The following PTPRA variants were observed in gnomAD, a reference collection of about 807,000 sequenced individuals.
The protein encoded by PTPRA is protein tyrosine phosphatase receptor type A, also known as receptor-type tyrosine-protein phosphatase alpha.
Under a neutral mutation model 104.8 loss-of-function variants are expected in PTPRA, and 25 were observed. That is an observed-to-expected ratio of 0.24 (90% CI 0.17 to 0.33). PTPRA has a LOEUF of 0.33. Among genes scored for constraint, PTPRA ranks in the 10% least tolerant of loss-of-function variants. The pLI, the probability that PTPRA is intolerant of heterozygous loss-of-function variation, is 1.00. For missense variants in PTPRA, 765 were observed against 1,015.3 expected (o/e 0.75, Z 3.35); for synonymous variants, 323 against 368.9 (o/e 0.88, Z 1.43).
At chr20:2,953,613 G>T (rs756338981) in intron 3 of PTPRA, among the ~76,000 whole-genome samples, 1,493 of 139,944 alleles carry the variant, frequency 0.011, 11 homozygotes, top group Non-Finnish European at 0.017. Context: ...TTGGTGTTTT[G>T]TTTTTTTTTT....
chr20:2,981,550 G>A (rs2062674314), intron 6 of PTPRA, among the ~76,000 whole-genome samples: 1 of 152,148 alleles, frequency 6.6e-6, no homozygotes, highest in South Asian at 2.1e-4. Flanking sequence ...AGCCCAAAAT[G>A]TCATTAGTGT....
At chr20:3,023,590 G>C (rs145335911) in intron 16 of PTPRA, among the ~76,000 whole-genome samples, 70 of 152,312 alleles carry the variant, frequency 4.6e-4, no homozygotes, top group African/African-American at 1.4e-3. Context: ...TCAAGGCACA[G>C]CACCTTTCCT....
intron 5 of PTPRA, among the ~76,000 whole-genome samples, chr20:2,969,199 C>T (rs1429604681): frequency 4.0e-5 from 6 of 149,938 alleles, no homozygotes; most frequent in Admixed American, 4.0e-4. Flanking sequence ...GAGTGAGACC[C>T]GAGACTCTAT....
intron 12 of PTPRA, among the ~76,000 whole-genome samples, chr20:3,017,488 T>G (rs565064723): frequency 1.3e-5 from 2 of 152,324 alleles, no homozygotes; most frequent in South Asian, 4.1e-4. Context: ...AGCACTTAGC[T>G]CACTGTCAGG....
At chr20:2,888,464 TGGGA>T (rs2090496110) in intron 1 of PTPRA, among the ~76,000 whole-genome samples, 2 of 151,448 alleles carry the variant, frequency 1.3e-5, no homozygotes, top group South Asian at 4.2e-4. Context: ...GAGGCTGAGG[TGGGA>T]GGATTGCTTA....
rs1209029093 is a variant in PTPRA, at chr20:2,910,050, TATC to T, written c.-128-13154_-128-13152del. On this transcript the variant is annotated intron_variant, in intron 1 of 23. Transcript: ENST00000399903. ...CATATATCATATCATATATAATATA[TATC>T]ATATCATATATAATATATATGATGT... is the stretch of plus-strand genomic sequence containing the variant. Among the ~76,000 whole-genome samples, 59 of 123,600 alleles carry T rather than the reference TATC, an allele frequency of 4.8e-4. No individual in the cohort carries two copies. The East Asian group carries it at 5.8e-3, about 12-fold the overall frequency. The allele number at this position is 123,600 out of a possible 152,430, so 81.1% of individuals were successfully genotyped here. A position where few individuals can be genotyped will look rare whatever the true frequency, so the allele number is the denominator to read the frequency against.
At position 3,022,195 on chromosome 20, in the gene PTPRA, G is replaced by A; in HGVS notation, c.1303G>A (p.Ala435Thr). The change falls in exon 15 of 24, where the codon GCA (alanine) becomes ACA (threonine). Residue 435 changes from alanine (A) to threonine (T), a missense_variant. Ala to Thr is a moderately conservative substitution (Grantham distance 58). Transcript: ENST00000399903. This position sits in a 1 kb window ranked among gnomAD's most constrained non-coding sequence, Gnocchi z 4.6. ...KKVKACNPQY[A>T]GAIVVHCSAG... is the part of the protein sequence containing the mutation. ...GGTGAAGGCCTGTAACCCTCAGTAT[G>A]CAGGGGCCATCGTGGTCCACTGCAG... is the stretch of plus-strand genomic sequence containing the variant. 1 of 1,614,204 alleles carries A rather than the reference G, an allele frequency of 6.2e-7. No individual in the cohort carries two copies. The highest frequency in any genetic ancestry group is 8.5e-7 in the Non-Finnish European group (1 of 1,180,026).
chr20:2,868,986 G>T (rs548476077), upstream of PTPRA, among the ~76,000 whole-genome samples: 1 of 152,308 alleles, frequency 6.6e-6, no homozygotes, highest in Admixed American at 6.5e-5. Context: ...TGCATGTAGA[G>T]AAGCATTGGA....
the PTPRA span, chr20:2,864,497 C>T: frequency 6.2e-7 from 1 of 1,614,008 alleles, no homozygotes; most frequent in Non-Finnish European, 8.5e-7. The surrounding 1 kb of genome is among the most constrained non-coding windows in gnomAD (Gnocchi z 5.2). Flanking sequence ...GTGTAGCCTT[C>T]TGAGCACTTG....
intron 2 of PTPRA, among the ~76,000 whole-genome samples, chr20:2,932,377 T>C (rs1479352158): frequency 6.6e-6 from 1 of 152,100 alleles, no homozygotes; most frequent in African/African-American, 2.4e-5. Flanking sequence ...TTAGTAGTAA[T>C]GAGGAAAAGA....
chr20:2,866,137 C>T, the PTPRA span: 37 of 1,313,142 alleles, frequency 2.8e-5, 1 homozygote, highest in Middle Eastern at 1.8e-3. Flanking sequence ...GTATGCATTG[C>T]GCCTCTGCTC....
intron 17 of PTPRA, 143 bp from the exon 18 acceptor site, chr20:3,026,544 A>G (rs993200073): frequency 9.5e-6 from 6 of 630,464 alleles, no homozygotes; most frequent in South Asian, 2.0e-5. Context: ...CCAGCTGAAC[A>G]TATGGGAACA....
intron 3 of PTPRA, among the ~76,000 whole-genome samples, chr20:2,954,906 C>G (rs932259064): frequency 6.6e-6 from 1 of 152,198 alleles, no homozygotes; most frequent in African/African-American, 2.4e-5. Context: ...GTTATTGTTT[C>G]ACGTGTAGAT....
chr20:2,883,886 G>A (rs376930170), intron 1 of PTPRA, among the ~76,000 whole-genome samples: 23 of 152,060 alleles, frequency 1.5e-4, no homozygotes, highest in African/African-American at 4.8e-4. Flanking sequence ...GCACCCATTA[G>A]CCTCACTTCC....
chr20:2,906,075 A>G (rs2059419138), intron 1 of PTPRA, among the ~76,000 whole-genome samples: 1 of 152,150 alleles, frequency 6.6e-6, no homozygotes, highest in African/African-American at 2.4e-5. Context: ...TGAAATCACA[A>G]ATGTGGATTA....
At chr20:3,018,926 G>A (rs1429802397) in intron 13 of PTPRA, among the ~76,000 whole-genome samples, 8 of 130,762 alleles carry the variant, frequency 6.1e-5, no homozygotes, top group Admixed American at 7.4e-5. Context: ...CAGTAGGGGC[G>A]GCCGGGCAGA....
At chr20:2,959,232 T>G (rs1382252074) in intron 3 of PTPRA, among the ~76,000 whole-genome samples, 5 of 152,188 alleles carry the variant, frequency 3.3e-5, no homozygotes, top group Non-Finnish European at 7.3e-5. Context: ...CACCATGCAT[T>G]TGTTCTTTTC....
chr20:3,001,228 G>C (rs1011150243), intron 9 of PTPRA, among the ~76,000 whole-genome samples: 2 of 152,194 alleles, frequency 1.3e-5, no homozygotes, highest in Admixed American at 6.5e-5. Context: ...CATCCGTGAC[G>C]CAGGCTCTTC....
rs1363200183 is a variant in PTPRA at position 3,037,569 on chromosome 20, A to G, written c.2334+280A>G. On this transcript the variant is annotated intron_variant, in intron 23 of 23. Transcript: ENST00000399903. The surrounding 1 kb of genome is among the most constrained non-coding windows in gnomAD (Gnocchi z 4.3). ...CTTCTCTGTGGGTCTTGGGTAAGGA[A>G]GATCCATGAAGAGTACCTGCCTTTG... 6.6e-6 allele frequency among the ~76,000 whole-genome samples: 1 copy of G among 152,222 alleles called. No homozygotes were observed. The highest frequency in any genetic ancestry group is 2.4e-5 in the African/African-American group (1 of 41,460).
Sources: gnomAD v4.1 joint callset for allele counts (sites outside exome capture counted in the v4.1 genomes callset) on GRCh38, gnomAD v4.1.1 for gene constraint, Gnocchi (gnomAD v3.1) non-coding constraint, MANE v1.5 for transcripts, NCBI Gene and HGNC (gene_info 2026-07-23, HGNC 2026-07-21) for gene names.